Variants in ADAT1 observed in about 807,000 individuals in gnomAD.
ADAT1 encodes the protein adenosine deaminase tRNA specific 1.
A neutral mutation model predicts 58.6 loss-of-function variants in ADAT1; 58 were observed. The ratio of observed to expected loss-of-function variants is 0.99; its 90% CI spans 0.80 to 1.23. The LOEUF is 1.23. ADAT1 is among the 50% of genes most tolerant of loss of function. The pLI is 0.00. For synonymous variants in ADAT1, 254 were observed against 220.8 expected (o/e 1.15, Z -1.33); for missense variants, 741 against 608.6 (o/e 1.22, Z -2.29).
chr16:75,615,431 G>C (rs1199817144), intron 5 of ADAT1, among the ~76,000 whole-genome samples: 4 of 114,304 alleles, frequency 3.5e-5, no homozygotes, highest in Non-Finnish European at 5.1e-5. Flanking sequence ...AATAAAAATT[G>C]TCTTGGGCCA....
Position 75,598,358 on chromosome 16 carries a change from G to A in ADAT1, c.*1858C>T. 1.5e-5 allele frequency: 3 copies of A among 200,904 alleles called. No homozygotes were observed. The South Asian group carries it at 1.6e-4, about 11-fold the overall frequency. 12.4% of individuals were successfully genotyped at this position (200,904 alleles called of 1,614,324 possible). The stretch of plus-strand genomic sequence containing the variant: ...TAAAGTGTTGGGATTACAGGCGTGA[G>A]CCACTGCACCCGGCCAGGAATACAT... On this transcript the variant is annotated 3_prime_UTR_variant, in exon 10 of 10. Coordinates refer to ENST00000564657, the MANE Select transcript of ADAT1 (RefSeq NM_001324445.2).
At chr16:75,617,341 G>T in intron 4 of ADAT1, 69 bp from the exon 5 acceptor site, 2 of 1,555,932 alleles carry the variant, frequency 1.3e-6, no homozygotes, top group Non-Finnish European at 1.8e-6. Flanking sequence ...CTCTGGTTGG[G>T]TGATTACTAA....
At chr16:75,605,344 C>T (rs1233075090) in intron 8 of ADAT1, among the ~76,000 whole-genome samples, 1 of 152,174 alleles carries the variant, frequency 6.6e-6, no homozygotes, top group African/African-American at 2.4e-5. Flanking sequence ...CTGCCTCGGC[C>T]TCCCAAAGTG....
chr16:75,618,020 C>A (rs531047598), intron 4 of ADAT1, among the ~76,000 whole-genome samples: 19 of 148,500 alleles, frequency 1.3e-4, no homozygotes, highest in African/African-American at 4.7e-4. Flanking sequence ...TTGCTTGAGT[C>A]CCAGGAGGCC....
At chr16:75,613,966 C>T (rs1354209064) in intron 5 of ADAT1, among the ~76,000 whole-genome samples, 3 of 151,932 alleles carry the variant, frequency 2.0e-5, no homozygotes, top group African/African-American at 4.8e-5. Context: ...CCGAGGTGGG[C>T]GGATCACGAG....
At chr16:75,620,845 G>A (rs764843346) in intron 1 of ADAT1, 25 bp from the exon 2 acceptor site, 2 of 1,582,598 alleles carry the variant, frequency 1.3e-6, no homozygotes, top group Admixed American at 1.7e-5. Context: ...ACAACCATCA[G>A]AAGTACGGAA....
At chr16:75,602,553 GGTA>G (rs1307243905) in intron 9 of ADAT1, among the ~76,000 whole-genome samples, 12 of 152,248 alleles carry the variant, frequency 7.9e-5, no homozygotes, top group Admixed American at 6.5e-4. Flanking sequence ...CTTAACTTGT[GGTA>G]GTTGTTTGAA....
intron 5 of ADAT1, 121 bp from the exon 6 acceptor site, chr16:75,612,982 T>C (rs1018312409): frequency 8.0e-7 from 1 of 1,245,992 alleles, no homozygotes; most frequent in East Asian, 2.5e-5. Flanking sequence ...GTAGACCTGC[T>C]GAATCAGAAA....
In ADAT1 at chr16:75,604,250, T is replaced by C. The variant is rs1031259924; in HGVS notation, c.1290-1079A>G. 4.0e-5 allele frequency among the ~76,000 whole-genome samples: 6 copies of C among 151,130 alleles called. No homozygotes were observed. The East Asian group carries it at 7.8e-4, about 20-fold the overall frequency. On this transcript the variant is annotated intron_variant, in intron 8 of 9. Transcript: ENST00000564657. ...GAGTTCGAGACCAGCCTGGCTAACA[T>C]GGTGAAACCCCATCTCTACTAAAAA...
chr16:75,601,617 G>A (rs987821447), intron 9 of ADAT1, among the ~76,000 whole-genome samples: 62 of 152,166 alleles, frequency 4.1e-4, no homozygotes, highest in African/African-American at 1.4e-3. Context: ...AATTAGCCGG[G>A]CGTGGTGGCG....
In ADAT1 at chr16:75,598,970, TTCAG is replaced by T; in HGVS notation, c.*1242_*1245del. The stretch of plus-strand genomic sequence containing the variant: ...TAACCCCAACATGGGAGCTTCCATT[TTCAG>T]TCAATCATTCAAGGTCTGAAGTTGA... On this transcript the variant is annotated 3_prime_UTR_variant, in exon 10 of 10. Coordinates refer to ENST00000564657, the MANE Select transcript of ADAT1 (RefSeq NM_001324445.2). The T allele has an allele frequency of 1.0e-6, 1 of 985,354 alleles. No homozygotes were observed. Among genetic ancestry groups the T allele is most frequent in the South Asian group, 4.7e-5 (1 of 21,280 alleles). 61.0% of individuals were successfully genotyped at this position (985,354 alleles called of 1,614,324 possible). A position where few individuals can be genotyped will look rare whatever the true frequency, so the allele number is the denominator to read the frequency against.
At position 75,620,656 on chromosome 16, in the gene ADAT1, G is replaced by T; in HGVS notation, c.144C>A (p.Cys48Ter). 1 of 1,613,404 alleles carries T rather than the reference G, an allele frequency of 6.2e-7. No individual in the cohort carries two copies. The highest frequency in any genetic ancestry group is 8.5e-7 in the Non-Finnish European group (1 of 1,180,020). ...VKIQSPADKACDTPDKPVQVT... is the reference protein window; with the variant it reads ...VKIQSPADKA Reference sequence around the variant, plus strand: ...CTTGCACCGGCTTATCAGGGGTGTCGCAGGCCTTGTCAGCTGGAGATTGTA... The same window carrying T: ...CTTGCACCGGCTTATCAGGGGTGTCTCAGGCCTTGTCAGCTGGAGATTGTA... Residue 48 changes from cysteine to a stop codon, truncating the protein, a stop_gained, in exon 2 of 10, where the codon TGC becomes TGA. Transcript: ENST00000564657. LOFTEE classifies it high-confidence loss of function.
Position 75,614,429 on chromosome 16 carries a change from C to T in ADAT1, c.425-1568G>A, listed in dbSNP as rs573158480. Among the ~76,000 whole-genome samples, 9 of 152,262 alleles carry T rather than the reference C, an allele frequency of 5.9e-5. No individual in the cohort carries two copies. In the South Asian group the frequency reaches 1.0e-3, roughly 18 times the overall value. On this transcript the variant is annotated intron_variant, in intron 5 of 9. Transcript: ENST00000564657. Reference sequence around the variant, plus strand: ...AGAACCACAGCTCTCCCTTGAGAAGCGAAAGATTTCTTCAAACACTAACCT... The same window carrying T: ...AGAACCACAGCTCTCCCTTGAGAAGTGAAAGATTTCTTCAAACACTAACCT...
At chr16:75,607,774 A>G (rs2081410456) in intron 8 of ADAT1, among the ~76,000 whole-genome samples, 1 of 152,252 alleles carries the variant, frequency 6.6e-6, no homozygotes, top group African/African-American at 2.4e-5. Context: ...AAAGTGGTAC[A>G]TGAAATGTTC....
intron 3 of ADAT1, among the ~76,000 whole-genome samples, chr16:75,618,892 T>C (rs1025871392): frequency 6.6e-6 from 1 of 152,176 alleles, no homozygotes; most frequent in Non-Finnish European, 1.5e-5. Context: ...CTGTAGACTG[T>C]TTATTAGTAG....
intron 6 of ADAT1, among the ~76,000 whole-genome samples, chr16:75,611,876 G>A (rs1342579987): frequency 6.6e-6 from 1 of 151,908 alleles, no homozygotes; most frequent in African/African-American, 2.4e-5. Flanking sequence ...TGACCAACAT[G>A]GTGAAACCCC....
chr16:75,601,364 T>C (rs1216366414), intron 9 of ADAT1, among the ~76,000 whole-genome samples: 1 of 151,414 alleles, frequency 6.6e-6, no homozygotes, highest in Admixed American at 6.6e-5. Flanking sequence ...ATACAGTAAC[T>C]ACTAGTTATC....
rs2081153816 is a variant in ADAT1, at chr16:75,599,106, G to C, written c.*1110C>G. 3 of 916,348 alleles carry C rather than the reference G, an allele frequency of 3.3e-6. No homozygotes were observed. Among genetic ancestry groups the C allele is most frequent in the Non-Finnish European group, 3.8e-6 (3 of 780,250 alleles). The allele number at this position is 916,348 out of a possible 1,614,324, so 56.8% of individuals were successfully genotyped here. A position where few individuals can be genotyped will look rare whatever the true frequency, so the allele number is the denominator to read the frequency against. On this transcript the variant is annotated 3_prime_UTR_variant, in exon 10 of 10. Transcript: ENST00000564657. ...TTTTTTTTTTTTTTTTTTTGAGATA[G>C]GGTCTTGCTCTATCACCCAGGCTGG...
rs1348676243 is a variant in ADAT1, at chr16:75,597,674, T to C, written c.*2542A>G. On this transcript the variant is annotated 3_prime_UTR_variant, in exon 10 of 10. Transcript: ENST00000564657. ...GAATCAGTAGGAGCCCTGAGCTTGT[T>C]TTCCTGCAACTAGACAGTCCCATAT... Among the ~76,000 whole-genome samples, 1 of 152,186 alleles carries C rather than the reference T, an allele frequency of 6.6e-6. No individual in the cohort carries two copies. The highest frequency in any genetic ancestry group is 2.4e-5 in the African/African-American group (1 of 41,440).
Sources: allele counts gnomAD v4.1 joint callset (sites outside exome capture counted in the v4.1 genomes callset), GRCh38; gene constraint gnomAD v4.1.1; transcripts MANE v1.5; gene names NCBI Gene and HGNC (gene_info 2026-07-23, HGNC 2026-07-21).